The following SLC2A13 variants were observed in gnomAD, a reference collection of about 807,000 sequenced individuals.
The protein encoded by SLC2A13 is proton myo-inositol cotransporter.
SLC2A13 carries 32 observed loss-of-function variants against 64.4 expected under a neutral mutation model. The observed-to-expected ratio is 0.50, with a 90% CI of 0.37 to 0.67. The LOEUF is 0.67. SLC2A13 is among the 30% of genes least tolerant of loss of function. SLC2A13 has a pLI of 0.00. For missense variants in SLC2A13, 743 were observed against 829.2 expected, an observed-to-expected ratio of 0.90 and a Z score of 1.28; for synonymous variants, 338 against 327.1, an observed-to-expected ratio of 1.03 and a Z score of -0.36.
At chr12:39,924,240 C>G (rs1232528514) in intron 4 of SLC2A13, among the ~76,000 whole-genome samples, 1 of 151,814 alleles carries the variant, frequency 6.6e-6, no homozygotes, top group Non-Finnish European at 1.5e-5. Context: ...AAAATGAATA[C>G]CTTTACTAAA....
At chr12:40,056,204 G>A (rs1357364390) in intron 1 of SLC2A13, among the ~76,000 whole-genome samples, 1 of 151,372 alleles carries the variant, frequency 6.6e-6, no homozygotes, top group African/African-American at 2.4e-5. Flanking sequence ...TGGGAAGCCT[G>A]TAACTTTCAG....
At position 39,795,181 on chromosome 12, in the gene SLC2A13, G is replaced by C. The variant is rs557540010; in HGVS notation, c.1446-30323C>G. Among the ~76,000 whole-genome samples, 4 of 149,552 alleles carry C rather than the reference G, an allele frequency of 2.7e-5. No homozygotes were observed. The East Asian group carries it at 5.9e-4, about 22-fold the overall frequency. Reference sequence around the variant, plus strand: ...ATTATCCTAACGTCTCTTATATCTTGATCTCCCCCCACCTCTCTCTCTCTC... The same window carrying C: ...ATTATCCTAACGTCTCTTATATCTTCATCTCCCCCCACCTCTCTCTCTCTC... On this transcript the variant is annotated intron_variant, in intron 7 of 9. Transcript: ENST00000280871.
In SLC2A13 at chr12:39,895,956, GTATA is replaced by G. The variant is rs977874401; in HGVS notation, c.1035-23999_1035-23996del. ...TGTGTATATATACATGCGTATATGT[GTATA>G]TATACATGTGTATATGTATACATAC... On this transcript the variant is annotated intron_variant, in intron 4 of 9. Coordinates refer to ENST00000280871, the MANE Select transcript of SLC2A13 (RefSeq NM_052885.4). 1.4e-5 allele frequency among the ~76,000 whole-genome samples: 2 copies of G among 144,436 alleles called. 1 individual carries two copies. The highest frequency in any genetic ancestry group is 5.6e-5 in the African/African-American group (2 of 35,758). The allele number at this position is 144,436 out of a possible 152,430, so 94.8% of individuals were successfully genotyped here.
intron 1 of SLC2A13, among the ~76,000 whole-genome samples, chr12:40,066,752 T>G (rs1241191751): frequency 6.6e-6 from 1 of 152,132 alleles, no homozygotes; most frequent in Non-Finnish European, 1.5e-5. Flanking sequence ...TTTGGGTTTG[T>G]CAGGCAGTTT....
chr12:39,911,896 A>G (rs78016946), intron 4 of SLC2A13, among the ~76,000 whole-genome samples: 2,362 of 152,148 alleles, frequency 0.016, 114 homozygotes, highest in East Asian at 0.14. Context: ...ATGCTTTCAG[A>G]TGGACAGTAT....
intron 3 of SLC2A13, among the ~76,000 whole-genome samples, chr12:39,960,791 A>T (rs1216130079): frequency 8.0e-6 from 1 of 124,484 alleles, no homozygotes; most frequent in Non-Finnish European, 1.6e-5. Context: ...TGTGTCACCC[A>T]GGCTGGAGTG....
chr12:39,929,778 C>G (rs1391472872), intron 4 of SLC2A13, among the ~76,000 whole-genome samples: 2 of 152,008 alleles, frequency 1.3e-5, no homozygotes, highest in Admixed American at 1.3e-4. Flanking sequence ...TACAGCTCCA[C>G]TGAAAAGTAT....
intron 4 of SLC2A13, among the ~76,000 whole-genome samples, chr12:39,921,385 G>A (rs1413701228): frequency 2.0e-5 from 3 of 152,042 alleles, no homozygotes; most frequent in Admixed American, 6.5e-5. Context: ...TCCTGCCCTG[G>A]CTGTCACATT....
intron 6 of SLC2A13, among the ~76,000 whole-genome samples, chr12:39,833,392 C>G (rs1479703469): frequency 6.6e-6 from 1 of 152,026 alleles, no homozygotes; most frequent in Admixed American, 6.6e-5. Flanking sequence ...AACTGCTCTG[C>G]TACCTCAAAG....
intron 4 of SLC2A13, among the ~76,000 whole-genome samples, chr12:39,927,820 C>T (rs893536869): frequency 6.6e-6 from 1 of 152,098 alleles, no homozygotes; most frequent in Non-Finnish European, 1.5e-5. Flanking sequence ...CAGAGATACA[C>T]AACATGATTG....
intron 4 of SLC2A13, among the ~76,000 whole-genome samples, chr12:39,929,673 C>T (rs374431069): frequency 2.0e-5 from 3 of 152,118 alleles, no homozygotes; most frequent in South Asian, 4.2e-4. Flanking sequence ...AGGCAGGATA[C>T]TGGAGGCTGC....
chr12:39,764,346 A>C (rs1940271770), intron 9 of SLC2A13, 114 bp downstream of exon 9: 2 of 961,864 alleles, frequency 2.1e-6, no homozygotes, highest in African/African-American at 3.3e-5. Context: ...ACATGGAGAT[A>C]CTTATAACAG....
At chr12:39,887,792 A>G (rs1592243162) in intron 4 of SLC2A13, among the ~76,000 whole-genome samples, 1 of 152,242 alleles carries the variant, frequency 6.6e-6, no homozygotes. Flanking sequence ...TAGAAGTGAC[A>G]GTATCACTGA....
At chr12:39,907,097 T>G (rs1250990616) in intron 4 of SLC2A13, among the ~76,000 whole-genome samples, 1 of 152,150 alleles carries the variant, frequency 6.6e-6, no homozygotes, top group Non-Finnish European at 1.5e-5. Flanking sequence ...TGCTATCATA[T>G]TCATGCTTAA....
intron 4 of SLC2A13, among the ~76,000 whole-genome samples, chr12:39,894,720 C>G (rs929585321): frequency 6.6e-6 from 1 of 152,048 alleles, no homozygotes; most frequent in African/African-American, 2.4e-5. Flanking sequence ...AAAGTCAATC[C>G]AAAAGGCTAG....
At chr12:39,947,029 T>C (rs1352738564) in intron 4 of SLC2A13, among the ~76,000 whole-genome samples, 1 of 152,178 alleles carries the variant, frequency 6.6e-6, no homozygotes, top group African/African-American at 2.4e-5. Flanking sequence ...TCCCAGGGCC[T>C]TTCTGCTGCT....
intron 4 of SLC2A13, among the ~76,000 whole-genome samples, chr12:39,892,968 GAAAT>G (rs1441353678): frequency 6.6e-6 from 1 of 152,028 alleles, no homozygotes; most frequent in East Asian, 1.9e-4. Flanking sequence ...CATATAATCA[GAAAT>G]AAAATTTAAA....
rs182605957 is a variant in SLC2A13, at chr12:40,101,964, G to A, written c.556+3289C>T. On this transcript the variant is annotated intron_variant, in intron 1 of 9. Transcript: ENST00000280871. The stretch of plus-strand genomic sequence containing the variant: ...TGTGTAAAGTACTCCACCAGGTCTC[G>A]AACATACTAAAGCACTAAATAAGCA... Among the ~76,000 whole-genome samples, 9 of 151,948 alleles carry A rather than the reference G, an allele frequency of 5.9e-5. No individual in the cohort carries two copies. The East Asian group carries it at 7.7e-4, about 13-fold the overall frequency.
chr12:39,810,254 A>G (rs1942112017), intron 7 of SLC2A13, among the ~76,000 whole-genome samples: 1 of 152,170 alleles, frequency 6.6e-6, no homozygotes, highest in African/African-American at 2.4e-5. Flanking sequence ...TGATCCTGTT[A>G]TTTCTTGCTA....
Sources: allele counts gnomAD v4.1 joint callset (sites outside exome capture counted in the v4.1 genomes callset), GRCh38; gene constraint gnomAD v4.1.1; transcripts MANE v1.5; gene names NCBI Gene and HGNC (gene_info 2026-07-23, HGNC 2026-07-21).